Variants in ROBO2 observed in about 807,000 individuals in gnomAD.
ROBO2 encodes the protein roundabout homolog 2.
Under a neutral mutation model 160.8 loss-of-function variants are expected in ROBO2, and 53 were observed. That is an observed-to-expected ratio of 0.33 (90% CI 0.26 to 0.41). ROBO2 has a LOEUF of 0.41. ROBO2 is among the 10% of genes least tolerant of loss of function. The pLI, the probability that ROBO2 is intolerant of heterozygous loss-of-function variation, is 1.00. For missense variants in ROBO2, 1,577 were observed against 1,722.4 expected, an observed-to-expected ratio of 0.92 and a Z score of 1.49; for synonymous variants, 664 against 611.7, an observed-to-expected ratio of 1.09 and a Z score of -1.26.
chr3:75,951,797 T>G (rs1437048787), intron 2 of ROBO2, among the ~76,000 whole-genome samples: 1 of 152,068 alleles, frequency 6.6e-6, no homozygotes, highest in Non-Finnish European at 1.5e-5. Flanking sequence ...CATTTGAACA[T>G]TCATGCAATA....
intron 2 of ROBO2, among the ~76,000 whole-genome samples, chr3:75,991,186 T>C (rs1185676492): frequency 6.6e-6 from 1 of 152,180 alleles, no homozygotes; most frequent in Non-Finnish European, 1.5e-5. Context: ...TATGTATCCA[T>C]TTATTATTGG....
intron 5 of ROBO2, among the ~76,000 whole-genome samples, chr3:77,522,384 A>C (rs1260270306): frequency 6.6e-6 from 1 of 151,342 alleles, no homozygotes; most frequent in Non-Finnish European, 1.5e-5. Context: ...AAGGTGCCTA[A>C]AAATAAATCA....
chr3:77,618,481 G>T (rs534899900), intron 22 of ROBO2, among the ~76,000 whole-genome samples: 2 of 151,982 alleles, frequency 1.3e-5, no homozygotes, highest in African/African-American at 2.4e-5. Flanking sequence ...CAGGATTTTT[G>T]TTATTCAATC....
At chr3:77,096,407 AAT>A in intron 1 of ROBO2, among the ~76,000 whole-genome samples, 1 of 152,154 alleles carries the variant, frequency 6.6e-6, no homozygotes, top group African/African-American at 2.4e-5. Context: ...TTGATTGTGA[AAT>A]ATCAACAGAG....
rs1302435141 is a variant in ROBO2 at position 76,733,630 on chromosome 3, CAA to C, written c.110-364383_110-364382del. Among the ~76,000 whole-genome samples, 3 of 152,180 alleles carry C rather than the reference CAA, an allele frequency of 2.0e-5. No homozygotes were observed. In the East Asian group the frequency reaches 5.8e-4, roughly 29 times the overall value. On this transcript the variant is annotated intron_variant, in intron 2 of 26. Transcript: ENST00000487694. ...TACAAAAAGCTTAAATTAACAGGCC[CAA>C]GTCCCTCAGCTAACAGGTAATTCCT...
chr3:76,572,994 C>T (rs1373263055), intron 2 of ROBO2, among the ~76,000 whole-genome samples: 2 of 152,086 alleles, frequency 1.3e-5, no homozygotes, highest in Non-Finnish European at 2.9e-5. Flanking sequence ...TCAGCCTCTT[C>T]ATTTGTGTAG....
intron 2 of ROBO2, among the ~76,000 whole-genome samples, chr3:76,471,464 T>C (rs1291339207): frequency 1.3e-5 from 2 of 152,094 alleles, no homozygotes; most frequent in Non-Finnish European, 2.9e-5. Context: ...ACTGCCTTGA[T>C]TGCCTGACAT....
At chr3:77,347,600 C>T (rs2067808055) in intron 2 of ROBO2, among the ~76,000 whole-genome samples, 2 of 151,982 alleles carry the variant, frequency 1.3e-5, no homozygotes, top group South Asian at 4.1e-4. Context: ...CCTTTTCCCC[C>T]AAATATTCTA....
chr3:76,999,298 A>C (rs1279641409), intron 2 of ROBO2, among the ~76,000 whole-genome samples: 1 of 152,046 alleles, frequency 6.6e-6, no homozygotes, highest in African/African-American at 2.4e-5. Flanking sequence ...ATCTGACCAT[A>C]AGTAAGAGAG....
chr3:76,546,379 C>T (rs1479325068), intron 2 of ROBO2, among the ~76,000 whole-genome samples: 1 of 151,658 alleles, frequency 6.6e-6, no homozygotes, highest in African/African-American at 2.4e-5. Flanking sequence ...AAAGTGCTGC[C>T]CAAAGATGCC....
At chr3:75,968,136 A>G (rs1949186294) in intron 2 of ROBO2, among the ~76,000 whole-genome samples, 1 of 151,618 alleles carries the variant, frequency 6.6e-6, no homozygotes, top group Non-Finnish European at 1.5e-5. Context: ...AATTAGGACA[A>G]TAGGTGCCTG....
At chr3:77,446,151 C>T (rs565206635) in intron 2 of ROBO2, among the ~76,000 whole-genome samples, 3 of 151,976 alleles carry the variant, frequency 2.0e-5, no homozygotes, top group South Asian at 4.2e-4. Context: ...TCTCTCTAGT[C>T]GATGTTAATA....
chr3:76,602,710 T>A (rs1191661228), intron 2 of ROBO2, among the ~76,000 whole-genome samples: 1 of 151,138 alleles, frequency 6.6e-6, no homozygotes, highest in Non-Finnish European at 1.5e-5. Flanking sequence ...GAGATTTGGG[T>A]GGGGACTCCC....
chr3:75,963,021 G>A (rs1051530906), intron 2 of ROBO2, among the ~76,000 whole-genome samples: 10 of 151,732 alleles, frequency 6.6e-5, no homozygotes, highest in South Asian at 2.1e-4. Flanking sequence ...AATACAGTTG[G>A]TATTGTGCCC....
intron 2 of ROBO2, among the ~76,000 whole-genome samples, chr3:77,361,090 T>C (rs1430425313): frequency 1.3e-5 from 2 of 152,212 alleles, no homozygotes; most frequent in Non-Finnish European, 1.5e-5. Flanking sequence ...TCATGCCTAG[T>C]TAGTACTTCA....
At chr3:76,508,564 A>G (rs1024335916) in intron 2 of ROBO2, among the ~76,000 whole-genome samples, 1 of 152,166 alleles carries the variant, frequency 6.6e-6, no homozygotes, top group Non-Finnish European at 1.5e-5. Context: ...GGTGGAGGAA[A>G]CATCCATATC....
rs184249278 is a variant in ROBO2 at position 76,099,620 on chromosome 3, A to G, written c.109+162018A>G. On this transcript the variant is annotated intron_variant, in intron 2 of 26. Transcript: ENST00000487694. ...ACAATAAAAAACCTAACTTTCATAA[A>G]CTCTACATTATAGAATCCTGTAAAT... 1.2e-4 allele frequency among the ~76,000 whole-genome samples: 19 copies of G among 152,228 alleles called. No homozygotes were observed. The East Asian group carries it at 3.7e-3, about 29-fold the overall frequency.
intron 2 of ROBO2, among the ~76,000 whole-genome samples, chr3:76,903,819 C>A (rs2075399187): frequency 6.6e-6 from 1 of 152,152 alleles, no homozygotes; most frequent in Non-Finnish European, 1.5e-5. Context: ...TCTCCCATTA[C>A]TTTCTCTCCT....
intron 2 of ROBO2, among the ~76,000 whole-genome samples, chr3:76,584,042 C>T (rs1379833599): frequency 1.3e-5 from 2 of 152,164 alleles, no homozygotes; most frequent in African/African-American, 2.4e-5. Flanking sequence ...TTCAAACTCT[C>T]CTCCTTGCTT....
Sources: gnomAD v4.1 joint callset for allele counts (sites outside exome capture counted in the v4.1 genomes callset) on GRCh38, gnomAD v4.1.1 for gene constraint, MANE v1.5 for transcripts, NCBI Gene and HGNC (gene_info 2026-07-23, HGNC 2026-07-21) for gene names.